SLC44A5: variants seen among roughly 807,000 people sequenced by gnomAD.
SLC44A5 encodes choline transporter-like protein 5.
In SLC44A5, 57 loss-of-function variants were observed where a neutral mutation model predicts 101.8. The observed-to-expected ratio is 0.56, with a 90% CI of 0.45 to 0.70. The LOEUF is 0.70. Ranked by LOEUF, SLC44A5 falls within the 30% of genes least tolerant of loss-of-function variation. SLC44A5 has a pLI of 0.00. For synonymous variants in SLC44A5, 281 were observed against 290.9 expected, an observed-to-expected ratio of 0.97 and a Z score of 0.35; for missense variants, 737 against 853.1, an observed-to-expected ratio of 0.86 and a Z score of 1.70.
chr1:75,643,358 C>A, the SLC44A5 span, among the ~76,000 whole-genome samples: 1 of 152,032 alleles, frequency 6.6e-6, no homozygotes, highest in African/African-American at 2.4e-5. Context: ...TTAAAGTAGT[C>A]TTTGGTTATC....
At chr1:75,307,566 AG>A (rs1655004782) in intron 4 of SLC44A5, among the ~76,000 whole-genome samples, 1 of 152,224 alleles carries the variant, frequency 6.6e-6, no homozygotes, top group African/African-American at 2.4e-5. Context: ...AGTATTTAGG[AG>A]TAGAGATCCA....
At chr1:75,373,757 C>A (rs1557714658) in intron 3 of SLC44A5, among the ~76,000 whole-genome samples, 1 of 152,166 alleles carries the variant, frequency 6.6e-6, no homozygotes, top group Non-Finnish European at 1.5e-5. Flanking sequence ...TACTGCCCCA[C>A]CTGAGTGTTT....
chr1:75,242,698 T>A (rs1485403397), intron 8 of SLC44A5, among the ~76,000 whole-genome samples, 188 bp downstream of exon 8: 3 of 152,102 alleles, frequency 2.0e-5, no homozygotes, highest in Non-Finnish European at 4.4e-5. Flanking sequence ...ACCCCAAATC[T>A]ACAAAATGAT....
chr1:75,649,153 A>G, the SLC44A5 span, among the ~76,000 whole-genome samples: 1 of 152,182 alleles, frequency 6.6e-6, no homozygotes, highest in Admixed American at 6.5e-5. Context: ...ACTGTTGATT[A>G]ACGACACAAA....
Position 75,424,214 on chromosome 1 carries a change from T to C in SLC44A5, c.14-27593A>G, listed in dbSNP as rs534826747. Among the ~76,000 whole-genome samples, 254 of 152,344 alleles carry C rather than the reference T, an allele frequency of 1.7e-3. 1 individual carries two copies. Among genetic ancestry groups the C allele is most frequent in the African/African-American group, 5.6e-3 (234 of 41,574 alleles). On this transcript the variant is annotated intron_variant, in intron 2 of 23. Transcript: ENST00000370859. Reference sequence around the variant, plus strand: ...CTCTCAGTCTAAAGCTATACGTTAATAGATTAACAAAGATCTGCCTACACA... The same window carrying C: ...CTCTCAGTCTAAAGCTATACGTTAACAGATTAACAAAGATCTGCCTACACA...
chr1:75,572,895 G>A (rs1570645145), intron 1 of SLC44A5, among the ~76,000 whole-genome samples: 5 of 152,012 alleles, frequency 3.3e-5, no homozygotes, highest in Admixed American at 3.3e-4. Flanking sequence ...GGCTAAGGCA[G>A]GCAGATCGCC....
At chr1:75,397,861 A>G (rs777864229) in intron 2 of SLC44A5, among the ~76,000 whole-genome samples, 3 of 152,152 alleles carry the variant, frequency 2.0e-5, no homozygotes, top group Non-Finnish European at 2.9e-5. Flanking sequence ...GATTACTCAT[A>G]ACATTTTCAG....
chr1:75,545,596 C>T (rs1671601917), intron 1 of SLC44A5, among the ~76,000 whole-genome samples: 1 of 152,128 alleles, frequency 6.6e-6, no homozygotes, highest in Non-Finnish European at 1.5e-5. Context: ...ACTTTGACTA[C>T]TCAGTAAGGC....
chr1:75,435,600 TG>T lies in SLC44A5; in HGVS notation c.14-38980del, dbSNP rs574003765. ...AAAGAAAGACTCCACTGTGGAGCTG[TG>T]GAGACAAAGACCTACTTCACTCCTC... On this transcript the variant is annotated intron_variant, in intron 2 of 23. Transcript: ENST00000370859. Among the ~76,000 whole-genome samples, 44 of 152,240 alleles carry T rather than the reference TG, an allele frequency of 2.9e-4. 1 individual carries two copies. In the South Asian group the frequency reaches 8.9e-3, roughly 31 times the overall value.
intron 4 of SLC44A5, among the ~76,000 whole-genome samples, chr1:75,329,268 C>T (rs1417533004): frequency 2.6e-5 from 4 of 152,120 alleles, no homozygotes; most frequent in Non-Finnish European, 5.9e-5. Context: ...TTTTCACAGA[C>T]GCTGATCACT....
At chr1:75,414,646 C>A (rs1214282685) in intron 2 of SLC44A5, among the ~76,000 whole-genome samples, 1 of 152,012 alleles carries the variant, frequency 6.6e-6, no homozygotes, top group Non-Finnish European at 1.5e-5. Context: ...CTTTGTGAGT[C>A]AAGGAAGGCT....
At chr1:75,700,588 T>G in the SLC44A5 span, among the ~76,000 whole-genome samples, 1 of 149,326 alleles carries the variant, frequency 6.7e-6, no homozygotes, top group East Asian at 2.0e-4. Flanking sequence ...AACATCACAA[T>G]TAAAAGAACT....
intron 2 of SLC44A5, among the ~76,000 whole-genome samples, chr1:75,458,226 T>C (rs1471228271): frequency 1.3e-5 from 2 of 151,944 alleles, no homozygotes; most frequent in Non-Finnish European, 2.9e-5. Context: ...GGCTTGGAGG[T>C]GATAAATGGC....
chr1:75,373,095 G>A (rs1239546013), intron 3 of SLC44A5, among the ~76,000 whole-genome samples: 2 of 152,072 alleles, frequency 1.3e-5, no homozygotes. Context: ...TTTAAATTAG[G>A]TCAAAGTGTC....
the SLC44A5 span, among the ~76,000 whole-genome samples, chr1:75,708,604 T>A: frequency 6.6e-6 from 1 of 151,986 alleles, no homozygotes; most frequent in Non-Finnish European, 1.5e-5. Flanking sequence ...ATTGGAAAAC[T>A]AAATTCTGAT....
At chr1:75,294,842 G>A (rs1030794526) in intron 5 of SLC44A5, among the ~76,000 whole-genome samples, 2 of 152,134 alleles carry the variant, frequency 1.3e-5, no homozygotes, top group East Asian at 1.9e-4. Context: ...ACTCATAGAA[G>A]CAGAGAGCAG....
chr1:75,256,400 A>T (rs769393424), intron 6 of SLC44A5, among the ~76,000 whole-genome samples: 64 of 152,288 alleles, frequency 4.2e-4, no homozygotes, highest in Non-Finnish European at 7.9e-4. Context: ...ACATTATGTT[A>T]GAAAGTCACT....
intron 7 of SLC44A5, among the ~76,000 whole-genome samples, chr1:75,245,898 T>C (rs1309288906): frequency 6.6e-6 from 1 of 152,128 alleles, no homozygotes; most frequent in East Asian, 1.9e-4. Flanking sequence ...CACATTGAGA[T>C]TGGATGTTCT....
At chr1:75,269,906 T>G (rs574158368) in intron 6 of SLC44A5, among the ~76,000 whole-genome samples, 83 of 152,320 alleles carry the variant, frequency 5.4e-4, no homozygotes, top group Middle Eastern at 3.4e-3. Context: ...CCGTGGGAGA[T>G]AATTGAATGG....
Sources: gnomAD v4.1 joint callset for allele counts (sites outside exome capture counted in the v4.1 genomes callset) on GRCh38, gnomAD v4.1.1 for gene constraint, MANE v1.5 for transcripts, NCBI Gene and HGNC (gene_info 2026-07-23, HGNC 2026-07-21) for gene names.